The following SI variants were observed in gnomAD, a reference collection of about 807,000 sequenced individuals.
The protein encoded by SI is sucrase-isomaltase.
In SI, 235 loss-of-function variants were observed where a neutral mutation model predicts 253.3. The observed-to-expected ratio is 0.93, with a 90% CI of 0.83 to 1.03. The LOEUF (loss-of-function observed/expected upper bound fraction) is 1.03. Among genes scored for constraint, SI ranks in the 50% least tolerant of loss-of-function variants. The pLI is 0.00. For missense variants in SI, 2,442 were observed against 2,211.1 expected (o/e 1.10, Z -2.09); for synonymous variants, 819 against 712.0 (o/e 1.15, Z -2.39).
Position 164,995,648 on chromosome 3 carries a change from C to A in SI, c.4692+887G>T, listed in dbSNP as rs1717976659. Among the ~76,000 whole-genome samples the A allele has an allele frequency of 2.0e-5, 3 of 151,786 alleles. No individual in the cohort carries two copies. The South Asian group carries it at 6.2e-4, about 31-fold the overall frequency. On this transcript the variant is annotated intron_variant, in intron 40 of 47. Coordinates refer to ENST00000264382, the MANE Select transcript of SI (RefSeq NM_001041.4). ...CTTTGTTGCTCCCATGTGGAATTCT[C>A]CATACGTTTATATTGGTTACTGTTC...
At chr3:165,074,891 G>C (rs1714849899) in intron 2 of SI, among the ~76,000 whole-genome samples, 1 of 151,952 alleles carries the variant, frequency 6.6e-6, no homozygotes, top group Non-Finnish European at 1.5e-5. Context: ...CCTATTGACT[G>C]TTTCTGAAGA....
At chr3:165,042,996 A>G (rs1453193176) in intron 17 of SI, 63 bp downstream of exon 17, 2 of 955,742 alleles carry the variant, frequency 2.1e-6, no homozygotes, top group Non-Finnish European at 3.4e-6. Context: ...ATTTAATTTA[A>G]GTACATTAAT....
At chr3:164,991,575 A>T in intron 43 of SI, 98 bp from the exon 44 acceptor site, 3 of 1,268,446 alleles carry the variant, frequency 2.4e-6, no homozygotes, top group Non-Finnish European at 3.4e-6. Flanking sequence ...ATCAAATGAT[A>T]CACTTTTAGA....
chr3:165,046,993 GA>G lies in SI; in HGVS notation c.1734del (p.Pro579LeufsTer24), dbSNP rs1377298309. 6.2e-7 allele frequency: 1 copy of G among 1,607,626 alleles called. No homozygotes were observed. Among genetic ancestry groups the G allele is most frequent in the Non-Finnish European group, 8.5e-7 (1 of 1,177,210 alleles). On this transcript the variant is annotated frameshift_variant, in exon 16 of 48. Coordinates refer to ENST00000264382, the MANE Select transcript of SI (RefSeq NM_001041.4). LOFTEE classifies it high-confidence loss of function. ...GTAAGAATGAAGCTTCTCTTATTAG[GA>G]AAAACTTTTTGTACAGCTCTAAAAA... ...IATEQAVQKV[F>X]PNKRSFILTR...
chr3:165,087,938 A>G, the SI span, among the ~76,000 whole-genome samples: 1 of 152,220 alleles, frequency 6.6e-6, no homozygotes, highest in Non-Finnish European at 1.5e-5. Flanking sequence ...AAGGTATACT[A>G]CAGGAGAAAT....
chr3:165,052,338 G>C (rs1235375584), intron 13 of SI, among the ~76,000 whole-genome samples: 1 of 152,076 alleles, frequency 6.6e-6, no homozygotes, highest in East Asian at 1.9e-4. Flanking sequence ...AAGCCTCAGT[G>C]GACTGATAGT....
intron 40 of SI, 54 bp downstream of exon 40, chr3:164,996,481 A>G: frequency 2.1e-6 from 2 of 971,274 alleles, no homozygotes; most frequent in East Asian, 2.4e-5. Flanking sequence ...CTAAAGTATA[A>G]TGAAGCATAG....
upstream of SI, among the ~76,000 whole-genome samples, chr3:165,079,078 C>T (rs1715184300): frequency 6.6e-6 from 1 of 151,482 alleles, no homozygotes; most frequent in Admixed American, 6.6e-5. Context: ...ACAGATAGCA[C>T]TCATTGAATT....
upstream of SI, among the ~76,000 whole-genome samples, chr3:165,082,046 A>G (rs7628933): frequency 0.59 from 89,182 of 151,698 alleles, 26,532 homozygotes; most frequent in East Asian, 0.81. Flanking sequence ...AATAGCACAG[A>G]TGACTTTTTA....
chr3:165,070,111 TA>T (rs1202549938), intron 3 of SI, among the ~76,000 whole-genome samples: 1 of 146,756 alleles, frequency 6.8e-6, no homozygotes, highest in African/African-American at 2.5e-5. Flanking sequence ...ATATTTTATA[TA>T]ATATTTAAAT....
upstream of SI, among the ~76,000 whole-genome samples, chr3:165,081,944 G>T (rs180997205): frequency 6.6e-6 from 1 of 152,114 alleles, no homozygotes; most frequent in African/African-American, 2.4e-5. Context: ...TACGTGAAGA[G>T]CTTCCAGAAA....
At chr3:165,021,051 A>G (rs1711581831) in intron 27 of SI, among the ~76,000 whole-genome samples, 178 bp downstream of exon 27, 1 of 151,692 alleles carries the variant, frequency 6.6e-6, no homozygotes, top group Admixed American at 6.6e-5. Context: ...CAATCCTTTA[A>G]AATAGTCCCA....
chr3:165,084,069 G>A, the SI span, among the ~76,000 whole-genome samples: 10 of 151,922 alleles, frequency 6.6e-5, no homozygotes, highest in Non-Finnish European at 1.2e-4. Flanking sequence ...TTAGGAATTA[G>A]GGCTTTTGGG....
intron 36 of SI, 104 bp downstream of exon 36, chr3:165,007,807 T>G: frequency 2.7e-6 from 1 of 369,176 alleles, no homozygotes; most frequent in Non-Finnish European, 5.0e-6. Flanking sequence ...ATTCTATATA[T>G]ATATTCTATG....
At position 164,994,393 on chromosome 3, in the gene SI, C is replaced by T. The variant is rs369134336; in HGVS notation, c.4705G>A (p.Ala1569Thr). Reference sequence around the variant, plus strand: ...TCAGCAAAAGTTTCATTCCAGGAAGCGGGATCTTGTCTCTGAAACAAAGCA... The same window carrying T: ...TCAGCAAAAGTTTCATTCCAGGAAGTGGGATCTTGTCTCTGAAACAAAGCA... ...NIANTRRQDP[A>T]SWNETFAEMS... The change falls in exon 41 of 48, where the codon GCT (alanine) becomes ACT (threonine). Residue 1569 changes from alanine to threonine, a missense_variant. Ala to Thr is a moderately conservative substitution (Grantham distance 58, BLOSUM62 0). Transcript: ENST00000264382. 4.0e-5 allele frequency: 64 copies of T among 1,610,468 alleles called. No homozygotes were observed. Among genetic ancestry groups the T allele is most frequent in the Middle Eastern group, 1.7e-4 (1 of 5,958 alleles).
chr3:165,006,359 C>T (rs13063336), intron 37 of SI, among the ~76,000 whole-genome samples: 13,974 of 152,260 alleles, frequency 0.092, 800 homozygotes, highest in Middle Eastern at 0.14. Context: ...ATCCGCCCGC[C>T]TCAGCCTCCC....
At chr3:164,992,543 C>T in intron 41 of SI, 146 bp from the exon 42 acceptor site, 1 of 636,872 alleles carries the variant, frequency 1.6e-6, no homozygotes, top group South Asian at 2.0e-5. Context: ...AAAAATATAT[C>T]AGTTGGAATG....
chr3:165,081,360 G>A (rs1242062703), upstream of SI, among the ~76,000 whole-genome samples: 2 of 151,936 alleles, frequency 1.3e-5, no homozygotes, highest in African/African-American at 4.8e-5. Context: ...ATCATAACTG[G>A]TGATTGACAC....
intron 41 of SI, among the ~76,000 whole-genome samples, chr3:164,992,935 G>A (rs73877369): frequency 0.06 from 9,020 of 149,914 alleles, 895 homozygotes; most frequent in African/African-American, 0.21. Flanking sequence ...TTTTTTTTTT[G>A]TTTGTTTTGT....
Sources: gnomAD v4.1 joint callset for allele counts (sites outside exome capture counted in the v4.1 genomes callset) on GRCh38, gnomAD v4.1.1 for gene constraint, MANE v1.5 for transcripts, NCBI Gene and HGNC (gene_info 2026-07-23, HGNC 2026-07-21) for gene names.